FZD3: variants seen among roughly 807,000 people sequenced by gnomAD.
FZD3 encodes the protein frizzled class receptor 3, also known as frizzled-3.
In FZD3, 30 loss-of-function variants were observed where a neutral mutation model predicts 60.7. The observed-to-expected ratio is 0.49, with a 90% CI of 0.37 to 0.67. The LOEUF (loss-of-function observed/expected upper bound fraction) is 0.67. Ranked by LOEUF, FZD3 falls within the 30% of genes least tolerant of loss-of-function variation. The probability of loss-of-function intolerance (pLI) is 0.00; values close to 1 mark genes in which losing one functional copy is unlikely to be tolerated. For synonymous variants in FZD3, 246 were observed against 275.2 expected, an observed-to-expected ratio of 0.89 and a Z score of 1.05; for missense variants, 605 against 838.7, an observed-to-expected ratio of 0.72 and a Z score of 3.44.
intron 3 of FZD3, among the ~76,000 whole-genome samples, chr8:28,515,493 C>G (rs1804401107): frequency 6.6e-6 from 1 of 152,246 alleles, no homozygotes; most frequent in South Asian, 2.1e-4. Flanking sequence ...TCTGTGTCTT[C>G]TCTCCTGAGT....
intron 3 of FZD3, among the ~76,000 whole-genome samples, chr8:28,508,736 T>C (rs1417872151): frequency 6.6e-6 from 1 of 152,062 alleles, no homozygotes; most frequent in African/African-American, 2.4e-5. Flanking sequence ...TGTTGCCAAG[T>C]TGAGTCTCAA....
At chr8:28,520,578 A>G (rs774147738) in intron 3 of FZD3, 60 bp from the exon 4 acceptor site, 47 of 914,692 alleles carry the variant, frequency 5.1e-5, no homozygotes, top group Non-Finnish European at 6.9e-5. Context: ...GCAGTATTAT[A>G]GAAAGCTTTA....
In FZD3 at chr8:28,551,798, G is replaced by C. The variant is rs377193046; in HGVS notation, c.1553+47G>C. On this transcript the variant is annotated intron_variant, in intron 6 of 7. Coordinates refer to ENST00000240093, the MANE Select transcript of FZD3 (RefSeq NM_017412.4). ...CAGTGTTCACAAACCTCACATTTAC[G>C]TAAATTTTTTTGTGTTGCTTATGTT... The C allele has an allele frequency of 4.7e-6, 7 of 1,498,106 alleles. No homozygotes were observed. In the South Asian group the frequency reaches 7.4e-5, roughly 16 times the overall value. The allele number at this position is 1,498,106 out of a possible 1,614,324, so 92.8% of individuals were successfully genotyped here. A position where few individuals can be genotyped will look rare whatever the true frequency, so the allele number is the denominator to read the frequency against.
chr8:28,524,097 C>T (rs1804654895), intron 4 of FZD3, among the ~76,000 whole-genome samples: 1 of 152,114 alleles, frequency 6.6e-6, no homozygotes, highest in South Asian at 2.1e-4. Context: ...TTATAAATTA[C>T]CTAGTCTCAA....
chr8:28,502,259 A>G (rs927690850), intron 2 of FZD3, among the ~76,000 whole-genome samples: 20 of 152,210 alleles, frequency 1.3e-4, no homozygotes, highest in African/African-American at 4.8e-4. Context: ...ACAAAAATAT[A>G]CTATTAAAGA....
At chr8:28,518,711 GTC>G (rs770506942) in intron 3 of FZD3, among the ~76,000 whole-genome samples, 2 of 152,002 alleles carry the variant, frequency 1.3e-5, no homozygotes, top group African/African-American at 2.4e-5. Flanking sequence ...TTCCCATTTT[GTC>G]TCTATAGCCT....
chr8:28,521,400 T>C (rs540315078), intron 4 of FZD3, among the ~76,000 whole-genome samples: 1 of 152,212 alleles, frequency 6.6e-6, no homozygotes, highest in South Asian at 2.1e-4. Context: ...TATACTATAT[T>C]TATTATGTGA....
rs764995260 is a variant in FZD3 at position 28,573,354 on chromosome 8, A to C, written c.*10343A>C. On this transcript the variant is annotated 3_prime_UTR_variant, in exon 8 of 8. Coordinates refer to ENST00000240093, the MANE Select transcript of FZD3 (RefSeq NM_017412.4). Reference sequence around the variant, plus strand: ...AATTAATGTCAGTGAGTAGAATCTTAAGCTTTAAAACAAAAGTGGAAATAA... The same window carrying C: ...AATTAATGTCAGTGAGTAGAATCTTCAGCTTTAAAACAAAAGTGGAAATAA... 1 of 152,068 alleles carries C rather than the reference A, an allele frequency of 6.6e-6. No homozygotes were observed. Among genetic ancestry groups the C allele is most frequent in the Non-Finnish European group, 1.5e-5 (1 of 67,994 alleles). 9.4% of individuals were successfully genotyped at this position (152,068 alleles called of 1,614,324 possible).
intron 5 of FZD3, among the ~76,000 whole-genome samples, chr8:28,535,315 T>C (rs1464996706): frequency 6.6e-6 from 1 of 152,198 alleles, no homozygotes; most frequent in Non-Finnish European, 1.5e-5. Flanking sequence ...AGTTCCCATA[T>C]GCCTTGTACC....
At chr8:28,533,934 G>A (rs1032888725) in intron 5 of FZD3, among the ~76,000 whole-genome samples, 1 of 142,354 alleles carries the variant, frequency 7.0e-6, no homozygotes, top group Non-Finnish European at 1.5e-5. Flanking sequence ...TAGATGTTGA[G>A]TTAAACCTGG....
chr8:28,511,603 A>G (rs745320119), intron 3 of FZD3, among the ~76,000 whole-genome samples: 6 of 152,124 alleles, frequency 3.9e-5, no homozygotes, highest in Admixed American at 3.9e-4. Context: ...AAGTCTATCA[A>G]CTCTGTAAAT....
In FZD3 at chr8:28,563,728, CTG is replaced by C. The variant is rs1805657044; in HGVS notation, c.*721_*722del. On this transcript the variant is annotated 3_prime_UTR_variant, in exon 8 of 8. Coordinates refer to ENST00000240093, the MANE Select transcript of FZD3 (RefSeq NM_017412.4). The stretch of plus-strand genomic sequence containing the variant: ...CTTTTGTAAATATTACTTTTTCTGG[CTG>C]TGTTTTTATAACTTATCCATATGCA... 6.6e-6 allele frequency: 1 copy of C among 152,302 alleles called. No individual in the cohort carries two copies. The highest frequency in any genetic ancestry group is 1.5e-5 in the Non-Finnish European group (1 of 68,022). The allele number at this position is 152,302 out of a possible 1,614,324, so 9.4% of individuals were successfully genotyped here. A position where few individuals can be genotyped will look rare whatever the true frequency, so the allele number is the denominator to read the frequency against.
intron 1 of FZD3, among the ~76,000 whole-genome samples, chr8:28,498,326 A>T (rs1383824035): frequency 6.6e-6 from 1 of 151,950 alleles, no homozygotes; most frequent in South Asian, 2.1e-4. Context: ...CTTATAATAA[A>T]AAAAAAATCA....
intron 5 of FZD3, among the ~76,000 whole-genome samples, chr8:28,532,469 C>T (rs1804903619): frequency 6.6e-6 from 1 of 152,082 alleles, no homozygotes; most frequent in Admixed American, 6.6e-5. Context: ...CGCTCTGTTG[C>T]CTAGGTTGGA....
At chr8:28,533,605 T>G (rs1292191132) in intron 5 of FZD3, among the ~76,000 whole-genome samples, 1 of 151,888 alleles carries the variant, frequency 6.6e-6, no homozygotes, top group Non-Finnish European at 1.5e-5. Flanking sequence ...TGTTTTGTTT[T>G]GTTTTGTTTT....
chr8:28,556,410 A>G (rs1805509241), intron 7 of FZD3, among the ~76,000 whole-genome samples: 1 of 152,222 alleles, frequency 6.6e-6, no homozygotes, highest in Non-Finnish European at 1.5e-5. Flanking sequence ...CAGCTTCCTC[A>G]TTTATAAAAT....
At chr8:28,524,250 T>A (rs369135900) in intron 4 of FZD3, among the ~76,000 whole-genome samples, 1 of 152,220 alleles carries the variant, frequency 6.6e-6, no homozygotes, top group African/African-American at 2.4e-5. Flanking sequence ...AATGTTGTGG[T>A]CTATCACTTG....
At chr8:28,526,877 G>C (rs1379148688) in intron 4 of FZD3, among the ~76,000 whole-genome samples, 2 of 152,152 alleles carry the variant, frequency 1.3e-5, no homozygotes, top group Non-Finnish European at 2.9e-5. Context: ...CTCCTTAGTT[G>C]CATAAATGTC....
chr8:28,561,270 T>A (rs1246829966), intron 7 of FZD3, among the ~76,000 whole-genome samples: 4 of 152,182 alleles, frequency 2.6e-5, no homozygotes, highest in Admixed American at 6.5e-5. Flanking sequence ...TTCGCCAGGC[T>A]GGTCTTGAAC....
Sources: gnomAD v4.1 joint callset for allele counts (sites outside exome capture counted in the v4.1 genomes callset) on GRCh38, gnomAD v4.1.1 for gene constraint, MANE v1.5 for transcripts, NCBI Gene and HGNC (gene_info 2026-07-23, HGNC 2026-07-21) for gene names.